IFT140: variants seen among roughly 807,000 people sequenced by gnomAD.
IFT140 encodes intraflagellar transport protein 140 homolog.
In IFT140, 133 loss-of-function variants were observed where a neutral mutation model predicts 164.6. The ratio of observed to expected loss-of-function variants is 0.81; its 90% confidence interval spans 0.70 to 0.93. The LOEUF is 0.93. IFT140 is among the 40% of genes least tolerant of loss of function. IFT140 has a pLI of 0.00. For synonymous variants in IFT140, 860 were observed against 817.3 expected, an observed-to-expected ratio of 1.05 and a Z score of -0.89; for missense variants, 2,045 against 1,972.3, an observed-to-expected ratio of 1.04 and a Z score of -0.70.
At position 1,589,769 on chromosome 16, in the gene IFT140, A is replaced by G; in HGVS notation, c.646T>C (p.Tyr216His). 2 of 1,613,832 alleles carry G rather than the reference A, an allele frequency of 1.2e-6. No homozygotes were observed. The highest frequency in any genetic ancestry group is 1.7e-6 in the Non-Finnish European group (2 of 1,179,754). Reference protein sequence around the residue: ...FVSLMDGTVHYVDEKGKTTQV... With the variant: ...FVSLMDGTVHHVDEKGKTTQV... ...GTGGTCTTGCCCTTCTCATCCACAT[A>G]GTGCACTGTCCCTGGGGACAAACGT... The change falls in exon 7 of 31, where the codon TAT (tyrosine) becomes CAT (histidine). Residue 216 changes from tyrosine to histidine, a missense_variant. By Grantham distance (83) the Tyr-to-His change is moderately conservative. Coordinates refer to ENST00000426508, the MANE Select transcript of IFT140 (RefSeq NM_014714.4).
chr16:1,528,163 G>A (rs1356422402), intron 19 of IFT140, among the ~76,000 whole-genome samples: 1 of 152,098 alleles, frequency 6.6e-6, no homozygotes, highest in Non-Finnish European at 1.5e-5. Flanking sequence ...CCTGACGTGG[G>A]CTCAGGGCTT....
chr16:1,550,215 C>G lies in IFT140; in HGVS notation c.2399+7720G>C, dbSNP rs189219366. On this transcript the variant is annotated intron_variant, in intron 19 of 30. Coordinates refer to ENST00000426508, the MANE Select transcript of IFT140 (RefSeq NM_014714.4). ...TTGGCCTTCCAAAGTGCTGGGATTACAGGCTTGAGCCACCGCCCCAGCCCC... is the reference window on the plus strand; with the variant it reads ...TTGGCCTTCCAAAGTGCTGGGATTAGAGGCTTGAGCCACCGCCCCAGCCCC... 7.0e-3 allele frequency among the ~76,000 whole-genome samples: 1,061 copies of G among 152,292 alleles called. 5 individuals carry two copies. The highest frequency in any genetic ancestry group is 0.014 in the Middle Eastern group (4 of 294).
chr16:1,556,924 C>G (rs1033485691), intron 19 of IFT140, among the ~76,000 whole-genome samples: 1 of 152,204 alleles, frequency 6.6e-6, no homozygotes, highest in African/African-American at 2.4e-5. Context: ...ATTCTCCCAC[C>G]TCAGCCTTCT....
At chr16:1,530,619 G>GA (rs2030366256) in intron 19 of IFT140, 1 of 152,294 alleles carries the variant, frequency 6.6e-6, no homozygotes, top group Non-Finnish European at 1.5e-5. Flanking sequence ...ACAAGCACAG[G>GA]AATGTGGCAG....
intron 4 of IFT140, among the ~76,000 whole-genome samples, chr16:1,601,755 C>T (rs751209813): frequency 1.3e-5 from 2 of 152,176 alleles, no homozygotes; most frequent in Non-Finnish European, 2.9e-5. Context: ...AAGGCAGCAG[C>T]CAGGGGACTG....
At chr16:1,529,480 G>A (rs2030204432) in intron 19 of IFT140, among the ~76,000 whole-genome samples, 1 of 152,216 alleles carries the variant, frequency 6.6e-6, no homozygotes, top group Admixed American at 6.5e-5. Context: ...GGGTGCATGG[G>A]ACCCCAGGGA....
At chr16:1,571,966 T>C (rs59963862) in intron 13 of IFT140, among the ~76,000 whole-genome samples, 8,015 of 152,236 alleles carry the variant, frequency 0.053, 443 homozygotes, top group Admixed American at 0.17. Flanking sequence ...GGCCCTGTCA[T>C]GTGAAAGCCG....
At chr16:1,576,591 C>CA (rs34888852) in intron 13 of IFT140, 36,574 of 101,852 alleles carry the variant, frequency 0.36, 5,246 homozygotes, top group African/African-American at 0.49. Flanking sequence ...AACTTCGTCT[C>CA]AAAAAAAAAA....
In IFT140 at chr16:1,602,521, C is replaced by A. The variant is rs149202904; in HGVS notation, c.218G>T (p.Arg73Leu). 1 of 1,614,004 alleles carries A rather than the reference C, an allele frequency of 6.2e-7. No homozygotes were observed. Among genetic ancestry groups the A allele is most frequent in the Non-Finnish European group, 8.5e-7 (1 of 1,180,034 alleles). Residue 73 changes from arginine to leucine, a missense_variant, in exon 4 of 31, where the codon CGG becomes CTG. By Grantham distance (102) the Arg-to-Leu change is moderately radical. Transcript: ENST00000426508. Reference protein sequence around the residue: ...RVASLCWHPTRLVLAVGWETG... With the variant: ...RVASLCWHPTLLVLAVGWETG... ...CTCCCAGCCCACAGCCAGCACCAGC[C>A]GCGTCGGGTGCCAGCACAGGGAAGC... is the stretch of plus-strand genomic sequence containing the variant.
intron 13 of IFT140, among the ~76,000 whole-genome samples, chr16:1,578,554 G>A (rs905104816): frequency 6.6e-6 from 1 of 150,668 alleles, no homozygotes. Context: ...TCCAGCCTGG[G>A]TGACATAGTG....
Position 1,523,536 on chromosome 16 carries a change from C to A in IFT140, c.3435G>T (p.Leu1145=). Residue 1145 remains leucine (L), a synonymous_variant, in exon 26 of 31, where the codon CTG becomes CTT. Transcript: ENST00000426508. ...EHSQYERAVE[L]LLAARKYQEA... ...CCCGTACCTTCCTGGCAGCCAGCAG[C>A]AGCTCTACCGCCCTCTCGTACTGAC... The A allele has an allele frequency of 6.2e-7, 1 of 1,612,032 alleles. No individual in the cohort carries two copies. The highest frequency in any genetic ancestry group is 8.5e-7 in the Non-Finnish European group (1 of 1,179,736).
intron 26 of IFT140, among the ~76,000 whole-genome samples, chr16:1,521,087 G>A (rs186405086): frequency 9.1e-4 from 139 of 152,344 alleles, no homozygotes; most frequent in African/African-American, 3.2e-3. Flanking sequence ...TGGGAGAAAA[G>A]GAAATTGGTA....
At chr16:1,529,072 C>G (rs962590217) in intron 19 of IFT140, among the ~76,000 whole-genome samples, 2 of 152,194 alleles carry the variant, frequency 1.3e-5, no homozygotes, top group Non-Finnish European at 2.9e-5. Flanking sequence ...GCGGTGGTGT[C>G]TGTGGCTGCA....
At chr16:1,563,347 A>G (rs12935364) in intron 17 of IFT140, among the ~76,000 whole-genome samples, 27,864 of 148,830 alleles carry the variant, frequency 0.19, 3,324 homozygotes, top group African/African-American at 0.33. Context: ...CAGGCTGGAG[A>G]GCAGTGGCGC....
intron 19 of IFT140, chr16:1,554,253 A>G (rs1335745330): frequency 1.7e-6 from 1 of 578,650 alleles, no homozygotes; most frequent in East Asian, 6.9e-5. Context: ...AAACTGTCAG[A>G]AGCATAGCTC....
intron 18 of IFT140, among the ~76,000 whole-genome samples, chr16:1,558,820 T>C (rs1427431000): frequency 6.6e-6 from 1 of 152,242 alleles, no homozygotes; most frequent in African/African-American, 2.4e-5. Context: ...GACGCAGCCT[T>C]CTGGGGTCAG....
intron 3 of IFT140, among the ~76,000 whole-genome samples, chr16:1,606,076 G>C (rs570682661): frequency 5.1e-4 from 77 of 152,322 alleles, no homozygotes; most frequent in African/African-American, 1.8e-3. Flanking sequence ...ACAGCAGCTC[G>C]GGGCAGACAC....
chr16:1,548,576 T>C lies in IFT140; in HGVS notation c.2399+9359A>G, dbSNP rs536530487. Among the ~76,000 whole-genome samples the C allele has an allele frequency of 1.2e-4, 19 of 152,332 alleles. 1 individual carries two copies. The South Asian group carries it at 2.7e-3, about 22-fold the overall frequency. On this transcript the variant is annotated intron_variant, in intron 19 of 30. Coordinates refer to ENST00000426508, the MANE Select transcript of IFT140 (RefSeq NM_014714.4). The stretch of plus-strand genomic sequence containing the variant: ...TTTCTAGACAAACTGATGAACATGA[T>C]TGAAGTTTTGGGAGAAAAGTCTTCA...
intron 14 of IFT140, among the ~76,000 whole-genome samples, chr16:1,571,137 A>G (rs2033992596): frequency 6.6e-6 from 1 of 152,160 alleles, no homozygotes; most frequent in Non-Finnish European, 1.5e-5. Context: ...CAAATGTACA[A>G]TGTCATGCAC....
Sources: gnomAD v4.1 joint callset for allele counts (sites outside exome capture counted in the v4.1 genomes callset) on GRCh38, gnomAD v4.1.1 for gene constraint, MANE v1.5 for transcripts, NCBI Gene and HGNC (gene_info 2026-07-23, HGNC 2026-07-21) for gene names.